Variants in SIGLEC1 observed in about 807,000 individuals in gnomAD.
SIGLEC1 encodes sialic acid binding Ig like lectin 1.
In SIGLEC1, 132 loss-of-function variants were observed where a neutral mutation model predicts 148.0. That is an observed-to-expected ratio of 0.89 (90% CI 0.77 to 1.03). The LOEUF (loss-of-function observed/expected upper bound fraction) is 1.03, where lower values mean the gene tolerates loss of function less well. SIGLEC1 is among the 50% of genes least tolerant of loss of function. The pLI is 0.00. For synonymous variants in SIGLEC1, 945 were observed against 969.0 expected, an observed-to-expected ratio of 0.98 and a Z score of 0.46; for missense variants, 2,253 against 2,271.4, an observed-to-expected ratio of 0.99 and a Z score of 0.16.
chr20:3,693,712 G>A lies in SIGLEC1; in HGVS notation c.3257-14C>T, dbSNP rs748814860. On this transcript the variant is annotated splice_polypyrimidine_tract_variant and intron_variant, in intron 13 of 21. Transcript: ENST00000344754. ...GCACATTCACAGCTGGGGAGAGGGA[G>A]GGCACAGGACACCAGTGAGGGTCTT... 1.0e-5 allele frequency: 16 copies of A among 1,562,540 alleles called. 1 individual carries two copies. In the Middle Eastern group the frequency reaches 1.0e-3, roughly 100 times the overall value.
chr20:3,693,876 C>T (rs533740596), intron 13 of SIGLEC1, among the ~76,000 whole-genome samples, 178 bp from the exon 14 acceptor site: 1 of 152,292 alleles, frequency 6.6e-6, no homozygotes, highest in South Asian at 2.1e-4. Flanking sequence ...AGCCCACTGG[C>T]TCCTGAGTGG....
chr20:3,706,103 G>A (rs2087891808), intron 3 of SIGLEC1, 63 bp from the exon 4 acceptor site: 1 of 1,541,062 alleles, frequency 6.5e-7, no homozygotes, highest in East Asian at 2.3e-5. Context: ...CCTCGCCCTG[G>A]AAACCCCAGC....
intron 18 of SIGLEC1, 29 bp from the exon 19 acceptor site, chr20:3,690,293 G>A: frequency 6.6e-7 from 1 of 1,507,974 alleles, no homozygotes; most frequent in Non-Finnish European, 8.9e-7. Flanking sequence ...TGTGGTGATT[G>A]CAGACAATGA....
rs2146514716 is a variant in SIGLEC1, at chr20:3,687,160, T to A, written c.*1400A>T. Reference sequence around the variant, plus strand: ...TGGCAACTCCCCACTTCTCTCTCTGTTTTTCAACCCAAATCCTAGAGCAGA... The same window carrying A: ...TGGCAACTCCCCACTTCTCTCTCTGATTTTCAACCCAAATCCTAGAGCAGA... On this transcript the variant is annotated 3_prime_UTR_variant, in exon 22 of 22. Transcript: ENST00000344754. The A allele has an allele frequency of 6.6e-6, 1 of 152,294 alleles. No individual in the cohort carries two copies. The highest frequency in any genetic ancestry group is 6.5e-5 in the Admixed American group (1 of 15,304). The allele number at this position is 152,294 out of a possible 1,614,324, so 9.4% of individuals were successfully genotyped here.
intron 3 of SIGLEC1, among the ~76,000 whole-genome samples, 153 bp downstream of exon 3, chr20:3,706,194 G>C (rs1305206727): frequency 6.6e-6 from 1 of 152,242 alleles, no homozygotes; most frequent in African/African-American, 2.4e-5. Flanking sequence ...TGAATACAAG[G>C]GAGAACCAGG....
chr20:3,699,600 C>T (rs915845421), intron 7 of SIGLEC1, 141 bp from the exon 8 acceptor site: 6 of 1,033,566 alleles, frequency 5.8e-6, no homozygotes, highest in African/African-American at 4.9e-5. Flanking sequence ...GAGGGTTTGC[C>T]CTTTAATGCC....
intron 11 of SIGLEC1, 114 bp downstream of exon 11, chr20:3,696,462 TGCCCTTACCA>T: frequency 1.3e-6 from 1 of 778,350 alleles, no homozygotes; most frequent in South Asian, 3.0e-5. Context: ...GGCTGGAAAC[TGCCCTTACCA>T]GGACTGAAAA....
chr20:3,691,724 C>T lies in SIGLEC1; in HGVS notation c.4331-124G>A. On this transcript the variant is annotated intron_variant, in intron 17 of 21. Coordinates refer to ENST00000344754, the MANE Select transcript of SIGLEC1 (RefSeq NM_023068.4). Reference sequence around the variant, plus strand: ...GGTCTCAGTCTGACTTGGTATAGGGCTTTCCAAGGTGGAACCATGCCCCCT... The same window carrying T: ...GGTCTCAGTCTGACTTGGTATAGGGTTTTCCAAGGTGGAACCATGCCCCCT... The T allele has an allele frequency of 2.1e-6, 3 of 1,396,628 alleles. No individual in the cohort carries two copies. The South Asian group carries it at 4.1e-5, about 19-fold the overall frequency. 86.5% of individuals were successfully genotyped at this position (1,396,628 alleles called of 1,614,324 possible).
rs1458586829 is a variant in SIGLEC1 at position 3,694,315 on chromosome 20, G to T, written c.3162C>A (p.Ile1054=). 6.2e-7 allele frequency: 1 copy of T among 1,613,120 alleles called. No homozygotes were observed. The highest frequency in any genetic ancestry group is 1.1e-5 in the South Asian group (1 of 91,086). Residue 1054 remains isoleucine, a synonymous_variant, in exon 13 of 22, where the codon ATC becomes ATA. Coordinates refer to ENST00000344754, the MANE Select transcript of SIGLEC1 (RefSeq NM_023068.4). ...CCTCATCCTCCAGCATAGCCCCGTGGATCTCCAGACGCAGTGTGTTGGGGG... is the reference window on the plus strand; with the variant it reads ...CCTCATCCTCCAGCATAGCCCCGTGTATCTCCAGACGCAGTGTGTTGGGGG... The part of the protein sequence containing the change: ...AVAPNTLRLE[I]HGAMLEDEGV...
intron 8 of SIGLEC1, among the ~76,000 whole-genome samples, chr20:3,698,774 C>T (rs1046979078): frequency 6.6e-6 from 1 of 152,188 alleles, no homozygotes; most frequent in Admixed American, 6.5e-5. Flanking sequence ...GGCCCTTGGT[C>T]TTACACGGAG....
chr20:3,693,801 C>A, intron 13 of SIGLEC1, 103 bp from the exon 14 acceptor site: 1 of 1,342,782 alleles, frequency 7.4e-7, no homozygotes. Context: ...CTGGGGAGCC[C>A]CTTGGCCTTT....
chr20:3,694,330 T>C lies in SIGLEC1; in HGVS notation c.3147A>G (p.Thr1049=), dbSNP rs1228564082. 3 of 1,613,134 alleles carry C rather than the reference T, an allele frequency of 1.9e-6. No homozygotes were observed. The East Asian group carries it at 6.7e-5, about 36-fold the overall frequency. ...TAGCCCCGTGGATCTCCAGACGCAG[T>C]GTGTTGGGGGCCACAGCCACATGCA... is the stretch of plus-strand genomic sequence containing the variant. ...PRLHVAVAPN[T]LRLEIHGAML... Residue 1049 remains threonine (T), a synonymous_variant, in exon 13 of 22, where the codon ACA becomes ACG. Coordinates refer to ENST00000344754, the MANE Select transcript of SIGLEC1 (RefSeq NM_023068.4).
At position 3,690,007 on chromosome 20, in the gene SIGLEC1, T is replaced by G; in HGVS notation, c.4849A>C (p.Asn1617His). ...DQGEYICSAS[N>H]VLGSASTSTY... Reference sequence around the variant, plus strand: ...GAGGTAGAGGCAGAGCCCAGGACATTTGAGGCAGAACAGATGTATTCCCCT... The same window carrying G: ...GAGGTAGAGGCAGAGCCCAGGACATGTGAGGCAGAACAGATGTATTCCCCT... The change falls in exon 19 of 22, where the codon AAT becomes CAT. Residue 1617 changes from asparagine (N) to histidine (H), a missense_variant. Physicochemically the swap from Asn to His is moderately conservative, Grantham distance 68 (BLOSUM62 1). Coordinates refer to ENST00000344754, the MANE Select transcript of SIGLEC1 (RefSeq NM_023068.4). The G allele has an allele frequency of 1.2e-6, 2 of 1,613,184 alleles. No homozygotes were observed. Among genetic ancestry groups the G allele is most frequent in the South Asian group, 1.1e-5 (1 of 90,954 alleles).
chr20:3,709,199 GAAC>G lies in SIGLEC1; in HGVS notation c.-109-1965_-109-1963del, dbSNP rs535974802. On this transcript the variant is annotated intron_variant, in intron 1 of 21. Coordinates refer to ENST00000344754, the MANE Select transcript of SIGLEC1 (RefSeq NM_023068.4). ...AGAATATATAAAGAATTCCTACAAT[GAAC>G]AACAACAACCACCAAAAAAACCATG... 8.6e-3 allele frequency among the ~76,000 whole-genome samples: 1,309 copies of G among 152,046 alleles called. 16 individuals are homozygous for G. Among genetic ancestry groups the G allele is most frequent in the African/African-American group, 0.029 (1,208 of 41,458 alleles).
In SIGLEC1 at chr20:3,689,159, G is replaced by A. The variant is rs769697618; in HGVS notation, c.5066C>T (p.Thr1689Met). Residue 1689 changes from threonine (T) to methionine (M), a missense_variant, in exon 21 of 22, where the codon ACG becomes ATG. Physicochemically the swap from Thr to Met is moderately conservative, Grantham distance 81. Transcript: ENST00000344754. ...CCGTGTGTGTTGAATGGATACCTGC[G>A]TGGTCTCTTTCTGAAAAGCCATCTC... ...SVEMAFQKET[T>M]QLIDPDAATC... The A allele has an allele frequency of 3.7e-5, 60 of 1,613,498 alleles. No homozygotes were observed. The highest frequency in any genetic ancestry group is 5.0e-5 in the Admixed American group (3 of 60,006).
Position 3,703,718 on chromosome 20 carries a change from T to A in SIGLEC1, c.973+107A>T, listed in dbSNP as rs2087870611. ...CTCCACACCTGCATCCAGGAAGCAC[T>A]GGGTTATGCCAGTTGCTGGCCCTGC... On this transcript the variant is annotated intron_variant, in intron 5 of 21. Coordinates refer to ENST00000344754, the MANE Select transcript of SIGLEC1 (RefSeq NM_023068.4). 36 of 1,435,586 alleles carry A rather than the reference T, an allele frequency of 2.5e-5. No individual in the cohort carries two copies. The South Asian group carries it at 4.5e-4, about 18-fold the overall frequency. The allele number at this position is 1,435,586 out of a possible 1,614,324, so 88.9% of individuals were successfully genotyped here.
intron 9 of SIGLEC1, 53 bp from the exon 10 acceptor site, chr20:3,697,395 G>A: frequency 1.9e-6 from 3 of 1,604,500 alleles, no homozygotes; most frequent in South Asian, 1.1e-5. Flanking sequence ...CAGGAGCCAG[G>A]GGTCCAGCCG....
chr20:3,704,797 A>T (rs1327228352), intron 4 of SIGLEC1, among the ~76,000 whole-genome samples: 1 of 151,626 alleles, frequency 6.6e-6, no homozygotes, highest in Non-Finnish European at 1.5e-5. Flanking sequence ...TTGTTTTTTA[A>T]TTTTTTTGTA....
chr20:3,691,299 G>A (rs774414029), intron 18 of SIGLEC1, 41 bp downstream of exon 18: 1 of 1,607,654 alleles, frequency 6.2e-7, no homozygotes, highest in Admixed American at 1.7e-5. Context: ...GGGCGTGTGA[G>A]ATGTGGGGAG....
Sources: allele counts gnomAD v4.1 joint callset (sites outside exome capture counted in the v4.1 genomes callset), GRCh38; gene constraint gnomAD v4.1.1; transcripts MANE v1.5; gene names NCBI Gene and HGNC (gene_info 2026-07-23, HGNC 2026-07-21).